GRM8: variants seen among roughly 807,000 people sequenced by gnomAD.
GRM8 encodes the protein glutamate metabotropic receptor 8.
A neutral mutation model predicts 87.2 loss-of-function variants in GRM8; 47 were observed. The ratio of observed to expected loss-of-function variants is 0.54; its 90% CI spans 0.43 to 0.69. GRM8 has a LOEUF of 0.69. Among genes scored for constraint, GRM8 ranks in the 30% least tolerant of loss-of-function variants. The pLI, the probability that GRM8 is intolerant of heterozygous loss-of-function variation, is 0.00. For missense variants in GRM8, 1,019 were observed against 1,139.2 expected, an observed-to-expected ratio of 0.89 and a Z score of 1.52; for synonymous variants, 396 against 404.5, an observed-to-expected ratio of 0.98 and a Z score of 0.25.
At chr7:127,249,218 C>G (rs1265100092) in intron 1 of GRM8, among the ~76,000 whole-genome samples, 1 of 152,148 alleles carries the variant, frequency 6.6e-6, no homozygotes, top group Non-Finnish European at 1.5e-5. Context: ...TTCTGTTCAC[C>G]TCCTGCCCTG....
intron 3 of GRM8, among the ~76,000 whole-genome samples, chr7:126,941,630 AAAAG>A (rs980699421): frequency 6.6e-5 from 10 of 151,870 alleles, no homozygotes; most frequent in African/African-American, 2.2e-4. Context: ...AAAAAAAAAA[AAAAG>A]AAAGAAAGAA....
chr7:126,438,823 A>G lies in GRM8; in HGVS notation c.*296T>C, dbSNP rs1163781712. 4 of 290,440 alleles carry G rather than the reference A, an allele frequency of 1.4e-5. No individual in the cohort carries two copies. Among genetic ancestry groups the G allele is most frequent in the African/African-American group, 1.0e-4 (4 of 39,968 alleles). The allele number at this position is 290,440 out of a possible 1,614,324, so 18.0% of individuals were successfully genotyped here. On this transcript the variant is annotated 3_prime_UTR_variant, in exon 11 of 11. Coordinates refer to ENST00000339582, the MANE Select transcript of GRM8 (RefSeq NM_000845.3). ...AATAACATCAGACATTATTTATTTC[A>G]ACAGCATTTTTTTTCACGAGCTAAC...
chr7:126,998,809 T>C (rs766080819), intron 3 of GRM8, among the ~76,000 whole-genome samples: 5 of 151,956 alleles, frequency 3.3e-5, no homozygotes, highest in Admixed American at 6.6e-5. Flanking sequence ...AAGGAATCAA[T>C]ATTGCTAAAA....
intron 9 of GRM8, among the ~76,000 whole-genome samples, chr7:126,463,264 C>T (rs1804092006): frequency 1.3e-5 from 2 of 151,544 alleles, no homozygotes; most frequent in Non-Finnish European, 3.0e-5. Flanking sequence ...CTACCTCAGA[C>T]TACTATGTGA....
At chr7:127,038,292 A>C (rs1401290178) in intron 3 of GRM8, among the ~76,000 whole-genome samples, 2 of 152,228 alleles carry the variant, frequency 1.3e-5, no homozygotes, top group Non-Finnish European at 2.9e-5. Flanking sequence ...ACTGAAGAAA[A>C]ATATAAGACA....
At position 126,748,724 on chromosome 7, in the gene GRM8, T is replaced by C. The variant is rs149168897; in HGVS notation, c.1357+21141A>G. Among the ~76,000 whole-genome samples the C allele has an allele frequency of 2.4e-3, 367 of 151,810 alleles. 3 individuals are homozygous for C. The highest frequency in any genetic ancestry group is 8.4e-3 in the African/African-American group (346 of 41,402). ...AGAAAAACAAAGAGAATTTACACTA[T>C]TTGATTTCAATTCCTAATATAAAAC... On this transcript the variant is annotated intron_variant, in intron 7 of 10. Transcript: ENST00000339582.
chr7:126,972,199 C>T lies in GRM8; in HGVS notation c.728-67516G>A, dbSNP rs184545746. On this transcript the variant is annotated intron_variant, in intron 3 of 10. Transcript: ENST00000339582. The stretch of plus-strand genomic sequence containing the variant: ...CAATAAGACATCTACTTAGTTCAGT[C>T]ATCTGGGAAATGCTGTGGATAATAC... Among the ~76,000 whole-genome samples the T allele has an allele frequency of 3.8e-3, 583 of 152,242 alleles. 1 individual carries two copies. Among genetic ancestry groups the T allele is most frequent in the Non-Finnish European group, 6.1e-3 (416 of 68,002 alleles).
intron 3 of GRM8, among the ~76,000 whole-genome samples, chr7:126,921,081 G>C (rs1804478885): frequency 6.6e-6 from 1 of 152,112 alleles, no homozygotes; most frequent in Admixed American, 6.6e-5. Flanking sequence ...TACCGTGAAA[G>C]TCAGGAACCA....
intron 7 of GRM8, among the ~76,000 whole-genome samples, chr7:126,753,420 A>G (rs1268699446): frequency 6.6e-6 from 1 of 151,790 alleles, no homozygotes; most frequent in Non-Finnish European, 1.5e-5. Flanking sequence ...ACACACGTAT[A>G]TACGTATATA....
chr7:126,770,641 G>C lies in GRM8; in HGVS notation c.1157-576C>G, dbSNP rs1296594634. 2.0e-5 allele frequency among the ~76,000 whole-genome samples: 3 copies of C among 152,006 alleles called. No homozygotes were observed. The East Asian group carries it at 5.8e-4, about 29-fold the overall frequency. On this transcript the variant is annotated intron_variant, in intron 6 of 10. Coordinates refer to ENST00000339582, the MANE Select transcript of GRM8 (RefSeq NM_000845.3). ...TTCTATTTAGAATTTCTGTTAAAAA[G>C]ATGTAGATACCTCAAAATGAATGTC...
At chr7:126,637,428 A>T (rs1563042431) in intron 7 of GRM8, among the ~76,000 whole-genome samples, 1 of 152,154 alleles carries the variant, frequency 6.6e-6, no homozygotes, top group Non-Finnish European at 1.5e-5. Context: ...ACTCAAAAAT[A>T]ATTAAAATGA....
chr7:127,207,756 C>T (rs1201204139), intron 2 of GRM8, among the ~76,000 whole-genome samples: 7 of 152,030 alleles, frequency 4.6e-5, no homozygotes, highest in African/African-American at 9.7e-5. Context: ...GTGGTTTAGA[C>T]GCAACAACTG....
At chr7:127,041,177 T>A (rs1019797607) in intron 3 of GRM8, among the ~76,000 whole-genome samples, 1 of 152,222 alleles carries the variant, frequency 6.6e-6, no homozygotes, top group Non-Finnish European at 1.5e-5. Context: ...TTAAGTTCTC[T>A]GAATCAAGGG....
chr7:126,989,347 G>A (rs776613805), intron 3 of GRM8, among the ~76,000 whole-genome samples: 1 of 151,836 alleles, frequency 6.6e-6, no homozygotes, highest in Admixed American at 6.6e-5. Flanking sequence ...TAAGTTAAAG[G>A]TTAACAAGAT....
chr7:126,673,238 C>G lies in GRM8; in HGVS notation c.1358-63740G>C, dbSNP rs114767295. Among the ~76,000 whole-genome samples the G allele has an allele frequency of 7.3e-3, 1,109 of 152,282 alleles. 19 individuals are homozygous for G. The highest frequency in any genetic ancestry group is 0.025 in the African/African-American group (1,046 of 41,542). On this transcript the variant is annotated intron_variant, in intron 7 of 10. Coordinates refer to ENST00000339582, the MANE Select transcript of GRM8 (RefSeq NM_000845.3). ...CTTCCTTTTCCCCCAACAAAACCCT[C>G]CTTACTCACTGTTCAGATGATCTGC...
At chr7:126,915,313 C>A (rs2535941) in intron 3 of GRM8, among the ~76,000 whole-genome samples, 118,367 of 152,122 alleles carry the variant, frequency 0.78, 46,496 homozygotes, top group East Asian at 0.97. Context: ...GAGATTCAAT[C>A]GACACTCAAC....
At chr7:126,811,809 G>A (rs963631359) in intron 6 of GRM8, among the ~76,000 whole-genome samples, 12 of 151,926 alleles carry the variant, frequency 7.9e-5, no homozygotes, top group Admixed American at 6.6e-4. Context: ...TCAGTGAATA[G>A]GGATAATTTG....
At chr7:126,478,939 T>C (rs149092939) in intron 9 of GRM8, among the ~76,000 whole-genome samples, 5 of 152,112 alleles carry the variant, frequency 3.3e-5, no homozygotes, top group Admixed American at 1.3e-4. Context: ...ATTTTTATAA[T>C]TAAATATGGG....
At chr7:126,734,552 A>T (rs909298900) in intron 7 of GRM8, among the ~76,000 whole-genome samples, 1 of 151,742 alleles carries the variant, frequency 6.6e-6, no homozygotes, top group African/African-American at 2.4e-5. Flanking sequence ...CACTAAAAAA[A>T]TTTGATGAGT....
Sources: gnomAD v4.1 joint callset for allele counts (sites outside exome capture counted in the v4.1 genomes callset) on GRCh38, gnomAD v4.1.1 for gene constraint, MANE v1.5 for transcripts, NCBI Gene and HGNC (gene_info 2026-07-23, HGNC 2026-07-21) for gene names.